Variants in ANTXRL observed in about 807,000 individuals in gnomAD.
ANTXRL encodes the protein anthrax toxin receptor-like.
ANTXRL carries 63 observed loss-of-function variants against 75.4 expected under a neutral mutation model. The observed-to-expected ratio is 0.84, with a 90% CI of 0.68 to 1.03. The LOEUF (loss-of-function observed/expected upper bound fraction) is 1.03. Ranked by LOEUF, ANTXRL falls within the 50% of genes least tolerant of loss-of-function variation. The pLI is 0.00. For missense variants in ANTXRL, 797 were observed against 789.4 expected (o/e 1.01, Z -0.12); for synonymous variants, 335 against 291.3 (o/e 1.15, Z -1.53).
intron 3 of ANTXRL, 147 bp from the exon 4 acceptor site, chr10:46,295,872 A>C (rs2132681754): frequency 1.4e-6 from 1 of 699,026 alleles, no homozygotes; most frequent in Non-Finnish European, 2.5e-6. Flanking sequence ...AATCACAATG[A>C]GGAATGAGGA....
At chr10:46,312,951 G>T (rs1287276030) in intron 15 of ANTXRL, among the ~76,000 whole-genome samples, 2 of 152,210 alleles carry the variant, frequency 1.3e-5, no homozygotes, top group Non-Finnish European at 2.9e-5. Context: ...CCTCTGCTCA[G>T]AACCACAGGC....
chr10:46,326,319 C>G (rs1173764748), intron 16 of ANTXRL, among the ~76,000 whole-genome samples: 1 of 152,040 alleles, frequency 6.6e-6, no homozygotes, highest in Non-Finnish European at 1.5e-5. Context: ...TCAGCAGGCC[C>G]CTGAGCCCCA....
intron 16 of ANTXRL, among the ~76,000 whole-genome samples, chr10:46,322,662 G>A (rs1235008391): frequency 6.6e-6 from 1 of 152,108 alleles, no homozygotes; most frequent in African/African-American, 2.4e-5. Context: ...GCTTTTAATA[G>A]TAGAAGCTTC....
intron 16 of ANTXRL, among the ~76,000 whole-genome samples, chr10:46,316,953 GCA>G (rs1838761166): frequency 6.6e-6 from 1 of 152,054 alleles, no homozygotes; most frequent in African/African-American, 2.4e-5. Flanking sequence ...GAGTGTGTGG[GCA>G]TGTGAGTGCA....
chr10:46,303,621 T>C (rs532083008), intron 10 of ANTXRL, among the ~76,000 whole-genome samples: 6 of 152,292 alleles, frequency 3.9e-5, no homozygotes, highest in South Asian at 4.1e-4. Flanking sequence ...TTATAGATGG[T>C]CAGCCACAGT....
chr10:46,311,465 T>C, intron 14 of ANTXRL, 45 bp from the exon 15 acceptor site: 1 of 1,495,702 alleles, frequency 6.7e-7, no homozygotes, highest in Non-Finnish European at 8.9e-7. Context: ...GCCAGCACTG[T>C]GCCCTGCCAG....
intron 12 of ANTXRL, 92 bp downstream of exon 12, chr10:46,307,572 C>T: frequency 8.0e-7 from 1 of 1,248,234 alleles, no homozygotes; most frequent in Non-Finnish European, 1.1e-6. Flanking sequence ...CGTTCCCAGG[C>T]AGTCCCAGAA....
At chr10:46,304,242 A>G (rs868962965) in intron 10 of ANTXRL, among the ~76,000 whole-genome samples, 3 of 152,168 alleles carry the variant, frequency 2.0e-5, no homozygotes, top group East Asian at 1.9e-4. Flanking sequence ...CCTTACAGAA[A>G]GTCTTTGTAT....
At chr10:46,313,678 T>C (rs1838563565) in intron 16 of ANTXRL, among the ~76,000 whole-genome samples, 1 of 152,314 alleles carries the variant, frequency 6.6e-6, no homozygotes, top group Admixed American at 6.5e-5. Flanking sequence ...GAATGAAGAC[T>C]AATAATTATA....
At chr10:46,289,361 G>A (rs758371363) in intron 1 of ANTXRL, among the ~76,000 whole-genome samples, 3 of 152,188 alleles carry the variant, frequency 2.0e-5, no homozygotes, top group South Asian at 2.1e-4. Flanking sequence ...ACAATTCAGC[G>A]GCATTAAGTA....
chr10:46,296,059 G>A lies in ANTXRL; in HGVS notation c.433G>A (p.Val145Met), dbSNP rs1302859344. 6.5e-7 allele frequency: 1 copy of A among 1,535,926 alleles called. No individual in the cohort carries two copies. Among genetic ancestry groups the A allele is most frequent in the Non-Finnish European group, 8.7e-7 (1 of 1,146,750 alleles). The change falls in exon 4 of 17, where the codon GTG becomes ATG. Residue 145 changes from valine (V) to methionine (M), a missense_variant. By Grantham distance (21) the Val-to-Met change is conservative. Transcript: ENST00000620264. ...KNGLDQLQKIVPDGHTFMQAG... is the reference protein window; with the variant it reads ...KNGLDQLQKIMPDGHTFMQAG... ...CGGTCTTGACCAACTTCAGAAAATTGTGCCTGACGGTCACACATTCATGCA... is the reference window on the plus strand; with the variant it reads ...CGGTCTTGACCAACTTCAGAAAATTATGCCTGACGGTCACACATTCATGCA...
At chr10:46,293,289 CGTGTGTGCCTGTGT>C (rs1288552752) in intron 2 of ANTXRL, among the ~76,000 whole-genome samples, 1 of 43,790 alleles carries the variant, frequency 2.3e-5, no homozygotes, top group East Asian at 4.2e-4. Flanking sequence ...AGAGTGTGTG[CGTGTGTGCCTGTGT>C]GTGTGTGCGT....
chr10:46,287,616 A>G, intron 1 of ANTXRL, 106 bp downstream of exon 1: 1 of 1,418,742 alleles, frequency 7.0e-7, no homozygotes. Context: ...TCCGTCACAG[A>G]AGCAGGGCCA....
intron 10 of ANTXRL, among the ~76,000 whole-genome samples, chr10:46,306,293 C>T (rs1838078867): frequency 6.6e-6 from 1 of 152,204 alleles, no homozygotes; most frequent in Admixed American, 6.5e-5. Flanking sequence ...GAAGCCATCA[C>T]CTACTTTCAA....
chr10:46,316,479 C>T (rs1234515164), intron 16 of ANTXRL, among the ~76,000 whole-genome samples: 1 of 152,164 alleles, frequency 6.6e-6, no homozygotes, highest in Non-Finnish European at 1.5e-5. Context: ...TTACTGTGTG[C>T]ATGGCCACCT....
intron 16 of ANTXRL, among the ~76,000 whole-genome samples, chr10:46,318,103 G>A (rs1181583022): frequency 6.6e-6 from 1 of 152,136 alleles, no homozygotes; most frequent in Non-Finnish European, 1.5e-5. Context: ...TGGGGCAGAG[G>A]AGGGGAGGTG....
intron 10 of ANTXRL, among the ~76,000 whole-genome samples, chr10:46,304,274 A>C (rs1837936938): frequency 6.6e-6 from 1 of 152,166 alleles, no homozygotes; most frequent in South Asian, 2.1e-4. Flanking sequence ...AACAACAGAG[A>C]GTTTCTCTCT....
intron 9 of ANTXRL, among the ~76,000 whole-genome samples, chr10:46,300,356 A>G (rs1318683254): frequency 2.0e-5 from 3 of 152,050 alleles, no homozygotes; most frequent in Non-Finnish European, 2.9e-5. Context: ...CAGGGAGCCC[A>G]GGAAGGAGGC....
chr10:46,299,695 G>A (rs1303251690), intron 9 of ANTXRL, among the ~76,000 whole-genome samples: 1 of 152,160 alleles, frequency 6.6e-6, no homozygotes, highest in Non-Finnish European at 1.5e-5. Flanking sequence ...ATGGGCACAC[G>A]ACCAGGAGCA....
Sources: allele counts gnomAD v4.1 joint callset (sites outside exome capture counted in the v4.1 genomes callset), GRCh38; gene constraint gnomAD v4.1.1; transcripts MANE v1.5; gene names NCBI Gene and HGNC (gene_info 2026-07-23, HGNC 2026-07-21).